C1QL2: variants seen among roughly 807,000 people sequenced by gnomAD.
C1QL2 encodes the protein complement C1q like 2, also known as complement C1q-like protein 2.
C1QL2 carries 13 observed loss-of-function variants against 16.6 expected under a neutral mutation model. That is an observed-to-expected ratio of 0.78 (90% CI 0.51 to 1.25). The LOEUF (loss-of-function observed/expected upper bound fraction) is 1.25, where lower values mean the gene tolerates loss of function less well. C1QL2 is among the 50% of genes most tolerant of loss of function. The pLI is 0.00. For missense variants in C1QL2, 396 were observed against 409.6 expected (o/e 0.97, Z 0.29); for synonymous variants, 210 against 183.2 (o/e 1.15, Z -1.18).
At position 119,157,890 on chromosome 2, in the gene C1QL2, C is replaced by A; in HGVS notation, c.380G>T (p.Ser127Ile). The change falls in exon 1 of 2, where the codon AGC becomes ATC. Residue 127 changes from serine (S) to isoleucine (I), a missense_variant. Around this residue, in one of 2 missense-constraint regions of C1QL2, gnomAD observed 353 missense variants for 334.8 expected, o/e 1.05. Transcript: ENST00000272520. Reference protein sequence around the residue: ...PGLQLTAGTASGVGVVGGGAG... With the variant: ...PGLQLTAGTAIGVGVVGGGAG... Reference sequence around the variant, plus strand: ...CCCGCCGCCCACCACCCCGACGCCGCTGGCCGTGCCCGCCGTCAGTTGCAG... The same window carrying A: ...CCCGCCGCCCACCACCCCGACGCCGATGGCCGTGCCCGCCGTCAGTTGCAG... 6.4e-7 allele frequency: 1 copy of A among 1,570,464 alleles called. No homozygotes were observed. The highest frequency in any genetic ancestry group is 8.6e-7 in the Non-Finnish European group (1 of 1,158,584).
chr2:119,158,219 G>T lies in C1QL2; in HGVS notation c.51C>A (p.Pro17=). The change falls in exon 1 of 2, where the codon CCC becomes CCA. Residue 17 remains proline (P), a synonymous_variant. Coordinates refer to ENST00000272520, the MANE Select transcript of C1QL2 (RefSeq NM_182528.4). The stretch of plus-strand genomic sequence containing the variant: ...TCATCTCATAGTGCGCGGCGCCTCG[G>T]GGCGCCGCCTGCAGCAGCAGCGGCA... ...IAVPLLLQAA[P]RGAAHYEMMG... The T allele has an allele frequency of 1.9e-6, 3 of 1,573,220 alleles. No individual in the cohort carries two copies. The highest frequency in any genetic ancestry group is 2.6e-6 in the Non-Finnish European group (3 of 1,164,018).
rs375216486 is a variant in C1QL2, at chr2:119,157,832, C to T, written c.438G>A (p.Val146=). The change falls in exon 1 of 2, where the codon GTG becomes GTA. Residue 146 remains valine, a synonymous_variant. Transcript: ENST00000272520. The part of the protein sequence containing the change: ...AGVGGDSEGE[V]TSALSATFSG... ...TGAAGGTGGCGCTCAGCGCACTGGT[C>T]ACTTCACCCTCGGAATCGCCACCTA... is the stretch of plus-strand genomic sequence containing the variant. The T allele has an allele frequency of 6.3e-7, 1 of 1,591,520 alleles. No individual in the cohort carries two copies. The highest frequency in any genetic ancestry group is 8.6e-7 in the Non-Finnish European group (1 of 1,168,898).
intron 1 of C1QL2, 45 bp downstream of exon 1, chr2:119,157,541 G>C: frequency 6.7e-7 from 1 of 1,497,684 alleles, no homozygotes; most frequent in Non-Finnish European, 8.9e-7. Context: ...GGTTCAGGGC[G>C]CGGGCGAGGG....
rs1408304132 is a variant in C1QL2, at chr2:119,158,358, C to T, written c.-89G>A. ...GACCGCCACCAGCTCCTCCTTGCCG[C>T]CCGGGGAGGTAATGGTGGGGCGGCG... On this transcript the variant is annotated 5_prime_UTR_variant, in exon 1 of 2. Transcript: ENST00000272520. The T allele has an allele frequency of 7.1e-5, 82 of 1,161,736 alleles. No homozygotes were observed. The highest frequency in any genetic ancestry group is 8.5e-5 in the Non-Finnish European group (78 of 912,780). 72.0% of individuals were successfully genotyped at this position (1,161,736 alleles called of 1,614,324 possible).
chr2:119,157,616 G>T lies in C1QL2; in HGVS notation c.654C>A (p.Ser218Arg). ...CGTTCTTGCAGAGGTCCGCCCACAT[G>T]CTGGTGCCGTCGCCGCCGCGCATGA... is the stretch of plus-strand genomic sequence containing the variant. The part of the protein sequence containing the change: ...HILMRGGDGT[S>R]MWADLCKNGQ... Residue 218 changes from serine (S) to arginine (R), a missense_variant, in exon 1 of 2, where the codon AGC (serine) becomes AGA (arginine). Transcript: ENST00000272520. 6.2e-7 allele frequency: 1 copy of T among 1,614,166 alleles called. No homozygotes were observed.
chr2:119,157,754 A>C lies in C1QL2; in HGVS notation c.516T>G (p.Tyr172Ter). 1 of 1,613,776 alleles carries C rather than the reference A, an allele frequency of 6.2e-7. No homozygotes were observed. Among genetic ancestry groups the C allele is most frequent in the Non-Finnish European group, 8.5e-7 (1 of 1,179,842 alleles). Residue 172 changes from tyrosine to a stop codon, truncating the protein, a stop_gained, in exon 1 of 2, where the codon TAT (tyrosine) becomes TAG (stop). Transcript: ENST00000272520. LOFTEE classifies it high-confidence loss of function. Reference sequence around the variant, plus strand: ...CCACGTCATCGAACTTCAGCACCTCATAGCCTTCGTGGGGGCTCTTGAGAC... The same window carrying C: ...CCACGTCATCGAACTTCAGCACCTCCTAGCCTTCGTGGGGGCTCTTGAGAC... Reference protein sequence around the residue: ...YVGLKSPHEGYEVLKFDDVVT... With the variant: ...YVGLKSPHEG
Position 119,157,568 on chromosome 2 carries a change from AG to A in C1QL2, c.684+17del, listed in dbSNP as rs779308760. 7 of 1,612,444 alleles carry A rather than the reference AG, an allele frequency of 4.3e-6. No individual in the cohort carries two copies. In the African/African-American group the frequency reaches 9.4e-5, roughly 22 times the overall value. On this transcript the variant is annotated intron_variant, in intron 1 of 1. Transcript: ENST00000272520. ...GGGCGAGGGTTTACGGGGGCCGGTGAGTGTAGGGGTCACTGACCTGCCCGTT... is the reference window on the plus strand; with the variant it reads ...GGGCGAGGGTTTACGGGGGCCGGTGATGTAGGGGTCACTGACCTGCCCGTT...
chr2:119,156,910 G>A lies in C1QL2; in HGVS notation c.756C>T (p.His252=), dbSNP rs773119886. 5.0e-6 allele frequency: 8 copies of A among 1,614,094 alleles called. No individual in the cohort carries two copies. In the Admixed American group the frequency reaches 1.3e-4, roughly 27 times the overall value. Reference sequence around the variant, plus strand: ...CATACACTTCGTCCCCTGAATCCAAGTGCAGCACCACGCTGTTACTGGCGT... The same window carrying A: ...CATACACTTCGTCCCCTGAATCCAAATGCAGCACCACGCTGTTACTGGCGT... The part of the protein sequence containing the change: ...YDYASNSVVL[H]LDSGDEVYVK... The change falls in exon 2 of 2, where the codon CAC becomes CAT. Residue 252 remains histidine, a synonymous_variant. Transcript: ENST00000272520.
chr2:119,156,772 C>A lies in C1QL2; in HGVS notation c.*30G>T. 6.2e-7 allele frequency: 1 copy of A among 1,601,492 alleles called. No individual in the cohort carries two copies. The highest frequency in any genetic ancestry group is 8.5e-7 in the Non-Finnish European group (1 of 1,173,548). ...GCCCGGGCGGAGACCGGGCGGCCTG[C>A]AGCCACCCCGCCTCGCACCCCCCGC... On this transcript the variant is annotated 3_prime_UTR_variant, in exon 2 of 2. Coordinates refer to ENST00000272520, the MANE Select transcript of C1QL2 (RefSeq NM_182528.4).
In C1QL2 at chr2:119,158,586, C is replaced by A. The variant is rs994326126; in HGVS notation, c.-317G>T. 1 of 182,424 alleles carries A rather than the reference C, an allele frequency of 5.5e-6. No individual in the cohort carries two copies. Among genetic ancestry groups the A allele is most frequent in the African/African-American group, 2.3e-5 (1 of 42,622 alleles). The allele number at this position is 182,424 out of a possible 1,614,324, so 11.3% of individuals were successfully genotyped here. On this transcript the variant is annotated 5_prime_UTR_variant, in exon 1 of 2. Coordinates refer to ENST00000272520, the MANE Select transcript of C1QL2 (RefSeq NM_182528.4). ...CGTGGGGCACACAAGACGAATCCGG[C>A]GCCCCGAGGGTCCGGCGCCGGCCAG...
chr2:119,157,091 C>T (rs1677973884), intron 1 of C1QL2, 110 bp from the exon 2 acceptor site: 1 of 1,230,728 alleles, frequency 8.1e-7, no homozygotes, highest in African/African-American at 1.5e-5. Flanking sequence ...CTTCAGGGTC[C>T]ACACTCCCAC....
Position 119,158,255 on chromosome 2 carries a change from C to T in C1QL2, c.15G>A (p.Leu5=), listed in dbSNP as rs375510748. ...GCAGCAGCAGCGGCACGGCGATGAGCAGCCCGAGCGCCATGGCCAAGAGTA... is the reference window on the plus strand; with the variant it reads ...GCAGCAGCAGCGGCACGGCGATGAGTAGCCCGAGCGCCATGGCCAAGAGTA... MALG[L]LIAVPLLLQA... Residue 5 remains leucine, a synonymous_variant, in exon 1 of 2, where the codon CTG becomes CTA. Coordinates refer to ENST00000272520, the MANE Select transcript of C1QL2 (RefSeq NM_182528.4). 107 of 1,556,906 alleles carry T rather than the reference C, an allele frequency of 6.9e-5. No homozygotes were observed. The African/African-American group carries it at 1.2e-3, about 18-fold the overall frequency.
chr2:119,156,967 G>A lies in C1QL2; in HGVS notation c.699C>T (p.Ala233=), dbSNP rs201299021. ...LCKNGQVRAS[A]IAQDADQNYD... ...AGTTCTGGTCGGCGTCCTGTGCAATGGCGCTGGCCCGGACCTGGGGACAAG... is the reference window on the plus strand; with the variant it reads ...AGTTCTGGTCGGCGTCCTGTGCAATAGCGCTGGCCCGGACCTGGGGACAAG... Residue 233 remains alanine, a synonymous_variant, in exon 2 of 2, where the codon GCC becomes GCT. Transcript: ENST00000272520. The A allele has an allele frequency of 3.9e-5, 63 of 1,613,934 alleles. No homozygotes were observed. In the African/African-American group the frequency reaches 7.9e-4, roughly 20 times the overall value.
At chr2:119,157,478 G>C in intron 1 of C1QL2, 108 bp downstream of exon 1, 1 of 1,352,484 alleles carries the variant, frequency 7.4e-7, no homozygotes. Flanking sequence ...GTTCATTCCC[G>C]GGGCTCGCAG....
chr2:119,157,896 G>A lies in C1QL2; in HGVS notation c.374C>T (p.Thr125Met), dbSNP rs748574253. 44 of 1,566,132 alleles carry A rather than the reference G, an allele frequency of 2.8e-5. 1 individual carries two copies. The highest frequency in any genetic ancestry group is 1.6e-4 in the South Asian group (14 of 85,532). Residue 125 changes from threonine to methionine, a missense_variant, in exon 1 of 2, where the codon ACG (threonine) becomes ATG (methionine). Coordinates refer to ENST00000272520, the MANE Select transcript of C1QL2 (RefSeq NM_182528.4). The stretch of plus-strand genomic sequence containing the variant: ...GCCCACCACCCCGACGCCGCTGGCC[G>A]TGCCCGCCGTCAGTTGCAGCCCTGG... ...GLPGLQLTAG[T>M]ASGVGVVGGG...
At chr2:119,157,011 C>G in intron 1 of C1QL2, 30 bp from the exon 2 acceptor site, 1 of 1,608,462 alleles carries the variant, frequency 6.2e-7, no homozygotes. Flanking sequence ...GCAGGTGAGC[C>G]GGGGCACCTC....
In C1QL2 at chr2:119,158,051, G is replaced by T; in HGVS notation, c.219C>A (p.Phe73Leu). Residue 73 changes from phenylalanine (F) to leucine (L), a missense_variant, in exon 1 of 2, where the codon TTC becomes TTA. Physicochemically the swap from Phe to Leu is conservative, Grantham distance 22. Transcript: ENST00000272520. ...QDLSANPPPP[F>L]IQGPKGDPGR... ...CCGGGTCGCCCTTGGGTCCCTGGAT[G>T]AAAGGAGGAGGAGGGTTGGCGCTGA... The T allele has an allele frequency of 6.5e-7, 1 of 1,530,832 alleles. No individual in the cohort carries two copies. Among genetic ancestry groups the T allele is most frequent in the Non-Finnish European group, 8.8e-7 (1 of 1,139,040 alleles). The allele number at this position is 1,530,832 out of a possible 1,614,324, so 94.8% of individuals were successfully genotyped here.
Position 119,156,907 on chromosome 2 carries a change from C to T in C1QL2, c.759G>A (p.Leu253=). The T allele has an allele frequency of 1.2e-6, 2 of 1,614,086 alleles. No individual in the cohort carries two copies. The change falls in exon 2 of 2, where the codon TTG becomes TTA. Residue 253 remains leucine (L), a synonymous_variant. Transcript: ENST00000272520. ...TCACATACACTTCGTCCCCTGAATC[C>T]AAGTGCAGCACCACGCTGTTACTGG... is the stretch of plus-strand genomic sequence containing the variant. ...DYASNSVVLH[L]DSGDEVYVKL...
In C1QL2 at chr2:119,158,135, CG is replaced by C. The variant is rs1573495061; in HGVS notation, c.134del (p.Pro45ArgfsTer77). 5.8e-6 allele frequency: 9 copies of C among 1,554,416 alleles called. No individual in the cohort carries two copies. In the East Asian group the frequency reaches 9.8e-5, roughly 17 times the overall value. ...GTCCGGGTGGCTGCGCCTTTGCACC[CG>C]GGGGCTCCCCGCCGGGCGCGGCAGT... Reference protein sequence around the residue: ...PYTAAPGGEPPGAKAQPPGPS... With the variant: ...PYTAAPGGEPXGAKAQPPGPS... On this transcript the variant is annotated frameshift_variant, in exon 1 of 2. Transcript: ENST00000272520. LOFTEE classifies it high-confidence loss of function.
Sources: gnomAD v4.1 joint callset for allele counts on GRCh38, gnomAD v4.1.1 for gene constraint, gnomAD v4.1.1 regional missense constraint, MANE v1.5 for transcripts, NCBI Gene and HGNC (gene_info 2026-07-23, HGNC 2026-07-21) for gene names.